FSD1L: variants seen among roughly 807,000 people sequenced by gnomAD.
FSD1L encodes the protein FSD1-like protein.
FSD1L carries 45 observed loss-of-function variants against 71.6 expected under a neutral mutation model. That is an observed-to-expected ratio of 0.63 (90% CI 0.49 to 0.81). FSD1L has a LOEUF of 0.81. FSD1L is among the 30% of genes least tolerant of loss of function. The pLI, the probability that FSD1L is intolerant of heterozygous loss-of-function variation, is 0.00. For missense variants in FSD1L, 561 were observed against 618.1 expected (o/e 0.91, Z 0.98); for synonymous variants, 197 against 207.2 (o/e 0.95, Z 0.42).
intron 7 of FSD1L, among the ~76,000 whole-genome samples, chr9:105,487,926 T>C (rs1362362484): frequency 5.9e-5 from 9 of 152,174 alleles, no homozygotes; most frequent in Non-Finnish European, 1.2e-4. Flanking sequence ...GGTATGGAGA[T>C]TTCTCATATA....
At chr9:105,529,813 G>T (rs1835780060) in intron 10 of FSD1L, among the ~76,000 whole-genome samples, 1 of 151,952 alleles carries the variant, frequency 6.6e-6, no homozygotes, top group South Asian at 2.1e-4. Context: ...CAGGATTTGG[G>T]TCTGGAGCAA....
chr9:105,476,414 A>G (rs1430323525), intron 5 of FSD1L, among the ~76,000 whole-genome samples: 1 of 152,222 alleles, frequency 6.6e-6, no homozygotes, highest in East Asian at 1.9e-4. Flanking sequence ...TAGAATTGTA[A>G]TGCTGAATTT....
In FSD1L at chr9:105,521,056, A is replaced by T; in HGVS notation, c.1025+8120A>T. On this transcript the variant is annotated intron_variant, in intron 10 of 13. Transcript: ENST00000481272. The stretch of plus-strand genomic sequence containing the variant: ...AACAGTTTATATCATCCTATACTTG[A>T]CATCCCGCAGATGAGACCAAAGCCA... 5 of 1,613,232 alleles carry T rather than the reference A, an allele frequency of 3.1e-6. No individual in the cohort carries two copies. In the Admixed American group the frequency reaches 8.3e-5, roughly 27 times the overall value.
chr9:105,481,510 C>T (rs1327428348), intron 6 of FSD1L, among the ~76,000 whole-genome samples: 8 of 151,692 alleles, frequency 5.3e-5, no homozygotes, highest in Admixed American at 3.3e-4. Flanking sequence ...AGGCTCGTCT[C>T]GAACCCCTGA....
intron 10 of FSD1L, chr9:105,513,559 T>TA: frequency 6.6e-7 from 1 of 1,504,776 alleles, no homozygotes; most frequent in Admixed American, 2.0e-5. Context: ...ATTTAAGTTG[T>TA]AAAACAGTTT....
At chr9:105,478,131 G>C (rs1195691879) in intron 5 of FSD1L, among the ~76,000 whole-genome samples, 1 of 152,184 alleles carries the variant, frequency 6.6e-6, no homozygotes, top group East Asian at 1.9e-4. Context: ...TGTAGTCCCA[G>C]CTACTTGGGA....
chr9:105,487,979 C>T lies in FSD1L; in HGVS notation c.586+3477C>T, dbSNP rs116575897. ...CCTTCTTCACTATCAATGTCTCCCA[C>T]CAGAGTGGTATATTTATTACAATTG... On this transcript the variant is annotated intron_variant, in intron 7 of 13. Coordinates refer to ENST00000481272, the MANE Select transcript of FSD1L (RefSeq NM_001145313.3). 6.3e-3 allele frequency among the ~76,000 whole-genome samples: 956 copies of T among 152,224 alleles called. 16 individuals carry two copies. Among genetic ancestry groups the T allele is most frequent in the African/African-American group, 0.022 (907 of 41,528 alleles).
At chr9:105,474,343 C>T (rs1173918916) in intron 5 of FSD1L, among the ~76,000 whole-genome samples, 2 of 152,174 alleles carry the variant, frequency 1.3e-5, no homozygotes, top group Admixed American at 6.5e-5. Context: ...TTGACTGAAA[C>T]GTAGTTATGT....
At chr9:105,506,320 A>G (rs566164276) in intron 7 of FSD1L, 79 bp from the exon 8 acceptor site, 2 of 1,080,424 alleles carry the variant, frequency 1.9e-6, no homozygotes, top group East Asian at 5.2e-5. Flanking sequence ...TTTGAATGAT[A>G]TAAATGTGAT....
At chr9:105,494,088 C>A (rs971852005) in intron 7 of FSD1L, among the ~76,000 whole-genome samples, 15 of 152,184 alleles carry the variant, frequency 9.9e-5, no homozygotes, top group Non-Finnish European at 1.8e-4. Context: ...TAATATCCTG[C>A]AGAGTGTTTT....
chr9:105,459,874 C>A (rs944624253), intron 1 of FSD1L, among the ~76,000 whole-genome samples: 2 of 152,156 alleles, frequency 1.3e-5, no homozygotes, highest in Non-Finnish European at 2.9e-5. Context: ...TGCAGTGCGT[C>A]CTCTGAAAAT....
At chr9:105,525,714 A>G in intron 10 of FSD1L, 1 of 1,605,778 alleles carries the variant, frequency 6.2e-7, no homozygotes, top group South Asian at 1.1e-5. Context: ...AAGAAGACAA[A>G]CACTCCATTC....
intron 7 of FSD1L, 38 bp downstream of exon 7, chr9:105,484,540 C>CT (rs751877611): frequency 8.2e-3 from 10,216 of 1,250,934 alleles, no homozygotes; most frequent in South Asian, 0.012. Flanking sequence ...TTGTATAAAA[C>CT]TTTTTTTTTT....
intron 7 of FSD1L, among the ~76,000 whole-genome samples, chr9:105,492,999 G>A (rs1413917814): frequency 1.3e-5 from 2 of 152,208 alleles, no homozygotes; most frequent in Non-Finnish European, 2.9e-5. Flanking sequence ...GGAGAGTTCT[G>A]TAGATGTCTA....
chr9:105,512,331 GA>G (rs139634774), intron 9 of FSD1L, among the ~76,000 whole-genome samples: 1,991 of 152,046 alleles, frequency 0.013, 27 homozygotes, highest in African/African-American at 0.038. Context: ...GCCTTACTTT[GA>G]AACTGACAGT....
chr9:105,470,125 G>T (rs1474379329), intron 4 of FSD1L, among the ~76,000 whole-genome samples: 2 of 152,128 alleles, frequency 1.3e-5, no homozygotes, highest in African/African-American at 2.4e-5. Flanking sequence ...CTGTGTATCT[G>T]TCTTTATGCC....
rs1302230923 is a variant in FSD1L, at chr9:105,547,103, A to T, written c.*620A>T. The T allele has an allele frequency of 6.6e-6, 1 of 152,298 alleles. No individual in the cohort carries two copies. Among genetic ancestry groups the T allele is most frequent in the African/African-American group, 2.4e-5 (1 of 41,448 alleles). 9.4% of individuals were successfully genotyped at this position (152,298 alleles called of 1,614,324 possible). ...ATTGTGATAAGAAATTTCTAGACACAACAGCTTAAAATCACCCAAATTTCA... is the reference window on the plus strand; with the variant it reads ...ATTGTGATAAGAAATTTCTAGACACTACAGCTTAAAATCACCCAAATTTCA... On this transcript the variant is annotated 3_prime_UTR_variant, in exon 14 of 14. Coordinates refer to ENST00000481272, the MANE Select transcript of FSD1L (RefSeq NM_001145313.3).
chr9:105,536,257 A>T (rs1836257999), intron 12 of FSD1L, among the ~76,000 whole-genome samples: 1 of 152,240 alleles, frequency 6.6e-6, no homozygotes, highest in Non-Finnish European at 1.5e-5. Context: ...TTCCCATCTG[A>T]ATAAACACAG....
intron 10 of FSD1L, chr9:105,522,156 G>T: frequency 6.2e-7 from 1 of 1,613,958 alleles, no homozygotes; most frequent in Non-Finnish European, 8.5e-7. Context: ...AAACCTAAAT[G>T]TGTACATCTC....
Sources: gnomAD v4.1 joint callset for allele counts (sites outside exome capture counted in the v4.1 genomes callset) on GRCh38, gnomAD v4.1.1 for gene constraint, MANE v1.5 for transcripts, NCBI Gene and HGNC (gene_info 2026-07-23, HGNC 2026-07-21) for gene names.